The following LMNA variants were observed in gnomAD, a reference collection of about 807,000 sequenced individuals.
LMNA encodes lamin.
Under a neutral mutation model 70.4 loss-of-function variants are expected in LMNA, and 20 were observed. That is an observed-to-expected ratio of 0.28 (90% CI 0.20 to 0.41). LMNA has a LOEUF of 0.41. LMNA is among the 10% of genes least tolerant of loss of function. The pLI, the probability that LMNA is intolerant of heterozygous loss-of-function variation, is 1.00. For synonymous variants in LMNA, 339 were observed against 372.8 expected (o/e 0.91, Z 1.04); for missense variants, 652 against 917.2 (o/e 0.71, Z 3.73).
chr1:156,126,751 G>A, intron 1 of LMNA: 2 of 1,574,576 alleles, frequency 1.3e-6, no homozygotes, highest in South Asian at 1.2e-5. Context: ...CCAGTGATGG[G>A]AAGAGTTAGA....
chr1:156,124,297 CT>C (rs1553263284), intron 1 of LMNA, among the ~76,000 whole-genome samples: 1 of 150,572 alleles, frequency 6.6e-6, no homozygotes, highest in Non-Finnish European at 1.5e-5. Context: ...CTCTCTCTCT[CT>C]TTTTTTTTGA....
chr1:156,089,388 T>C (rs1460308998), intron 2 of LMNA, among the ~76,000 whole-genome samples: 1 of 151,798 alleles, frequency 6.6e-6, no homozygotes, highest in Non-Finnish European at 1.5e-5. Context: ...CTCTGACTCC[T>C]GGGTTCAAGC....
At chr1:156,124,555 G>C (rs1368034153) in intron 1 of LMNA, among the ~76,000 whole-genome samples, 1 of 152,180 alleles carries the variant, frequency 6.6e-6, no homozygotes, top group Non-Finnish European at 1.5e-5. Context: ...CCAAAGTGCT[G>C]GGATTACAGG....
At chr1:156,085,309 C>T (rs1413692178) in intron 2 of LMNA, among the ~76,000 whole-genome samples, 2 of 152,196 alleles carry the variant, frequency 1.3e-5, no homozygotes, top group Non-Finnish European at 1.5e-5. Flanking sequence ...TCGCTCTCTC[C>T]CGGAGGCTGG....
chr1:156,114,194 A>T (rs1025151148), upstream of LMNA, among the ~76,000 whole-genome samples: 1 of 152,176 alleles, frequency 6.6e-6, no homozygotes, highest in African/African-American at 2.4e-5. Context: ...ACTGAGATGC[A>T]GCTCTGAATG....
intron 2 of LMNA, among the ~76,000 whole-genome samples, chr1:156,087,275 GCT>G (rs1572308257): frequency 6.9e-6 from 1 of 145,896 alleles, no homozygotes. Flanking sequence ...ACAGAGTCTT[GCT>G]CTGTCACCCA....
chr1:156,101,624 A>G (rs1485683027), intron 3 of LMNA, among the ~76,000 whole-genome samples: 2 of 91,678 alleles, frequency 2.2e-5, no homozygotes, highest in African/African-American at 4.4e-5. Context: ...GGAAGGAAGG[A>G]CGGAAGGAAG....
Position 156,136,662 on chromosome 1 carries a change from G to A in LMNA, c.1380+226G>A. 1.5e-6 allele frequency: 1 copy of A among 666,376 alleles called. No homozygotes were observed. The highest frequency in any genetic ancestry group is 2.7e-6 in the Non-Finnish European group (1 of 374,100). The allele number at this position is 666,376 out of a possible 1,614,324, so 41.3% of individuals were successfully genotyped here. A position where few individuals can be genotyped will look rare whatever the true frequency, so the allele number is the denominator to read the frequency against. On this transcript the variant is annotated intron_variant, in intron 7 of 11. Transcript: ENST00000368300. The surrounding 1 kb of genome is among the most constrained non-coding windows in gnomAD (Gnocchi z 6.1). ...TCTCAGAGCATCAGTTTCCTCATCT[G>A]TAAAATGGGGATGAATACTGATCCC...
At position 156,114,894 on chromosome 1, in the gene LMNA, G is replaced by A; in HGVS notation, c.-25G>A. 1 of 1,495,174 alleles carries A rather than the reference G, an allele frequency of 6.7e-7. No homozygotes were observed. The highest frequency in any genetic ancestry group is 9.0e-7 in the Non-Finnish European group (1 of 1,113,070). 92.6% of individuals were successfully genotyped at this position (1,495,174 alleles called of 1,614,324 possible). A position where few individuals can be genotyped will look rare whatever the true frequency, so the allele number is the denominator to read the frequency against. On this transcript the variant is annotated 5_prime_UTR_variant, in exon 1 of 12. Transcript: ENST00000368300. Reference sequence around the variant, plus strand: ...GCCCTTTCCGGGACCCCTGCCCCGCGGGCAGCGCTGCCAACCTGCCGGCCA... The same window carrying A: ...GCCCTTTCCGGGACCCCTGCCCCGCAGGCAGCGCTGCCAACCTGCCGGCCA...
chr1:156,101,506 G>C (rs942904936), intron 3 of LMNA, among the ~76,000 whole-genome samples: 30 of 151,970 alleles, frequency 2.0e-4, no homozygotes, highest in Admixed American at 1.2e-3. Context: ...AAAGGAGAGA[G>C]GGAAGGAAGG....
intron 2 of LMNA, among the ~76,000 whole-genome samples, chr1:156,084,188 A>T (rs181598299): frequency 0.013 from 1,909 of 152,264 alleles, 28 homozygotes; most frequent in Non-Finnish European, 0.017. Context: ...AAGGAAACAG[A>T]TGAATTGACT....
chr1:156,100,453 G>A (rs76086437), intron 3 of LMNA, among the ~76,000 whole-genome samples: 2,251 of 152,254 alleles, frequency 0.015, 62 homozygotes, highest in African/African-American at 0.052. Context: ...TATGAAATGA[G>A]CCAAGGAATG....
intron 1 of LMNA, among the ~76,000 whole-genome samples, chr1:156,119,413 G>T (rs1396751232): frequency 1.3e-5 from 2 of 152,116 alleles, no homozygotes; most frequent in African/African-American, 2.4e-5. Context: ...ACCGTACCCG[G>T]CCACTAATTT....
intron 2 of LMNA, among the ~76,000 whole-genome samples, chr1:156,087,255 T>G (rs1046693156): frequency 5.3e-4 from 81 of 152,002 alleles, no homozygotes; most frequent in African/African-American, 1.8e-3. Flanking sequence ...TTTTTTTTTT[T>G]TGTGGGGGGA....
intron 3 of LMNA, among the ~76,000 whole-genome samples, chr1:156,091,337 T>C (rs1304910394): frequency 6.6e-6 from 1 of 152,218 alleles, no homozygotes; most frequent in African/African-American, 2.4e-5. Context: ...GTGCGGTGGC[T>C]CACCCCTGTA....
intron 1 of LMNA, chr1:156,126,367 G>A: frequency 1.3e-6 from 1 of 741,476 alleles, no homozygotes; most frequent in Non-Finnish European, 2.2e-6. Context: ...ATTGGGAGAG[G>A]AAACGGAGGC....
At chr1:156,111,025 G>A (rs1417390203), upstream of LMNA, among the ~76,000 whole-genome samples, 1 of 152,062 alleles carries the variant, frequency 6.6e-6, no homozygotes, top group Non-Finnish European at 1.5e-5. Context: ...GTGTTAGGGA[G>A]ACAGATGACC....
intron 1 of LMNA, among the ~76,000 whole-genome samples, chr1:156,124,138 C>T (rs1160469270): frequency 6.6e-6 from 1 of 152,138 alleles, no homozygotes; most frequent in Non-Finnish European, 1.5e-5. Context: ...TGTGGGTGCA[C>T]ATGCCCGCGT....
rs1649769306 is a variant in LMNA at position 156,115,538 on chromosome 1, G to A, written c.356+264G>A. 2.6e-5 allele frequency among the ~76,000 whole-genome samples: 4 copies of A among 152,208 alleles called. No homozygotes were observed. Among genetic ancestry groups the A allele is most frequent in the Admixed American group, 1.3e-4 (2 of 15,282 alleles). On this transcript the variant is annotated intron_variant, in intron 1 of 11. Coordinates refer to ENST00000368300, the MANE Select transcript of LMNA (RefSeq NM_170707.4). This position sits in a 1 kb window ranked among gnomAD's most constrained non-coding sequence, Gnocchi z 5.8. ...GGTGGGGGTATCAGGGACAAGTTGG[G>A]GCTGGGGCCGGCCTGAATTCGGTCA...
Sources: allele counts gnomAD v4.1 joint callset (sites outside exome capture counted in the v4.1 genomes callset), GRCh38; gene constraint gnomAD v4.1.1; non-coding constraint Gnocchi (gnomAD v3.1); transcripts MANE v1.5; gene names NCBI Gene and HGNC (gene_info 2026-07-23, HGNC 2026-07-21).